The following MFAP4 variants were observed in gnomAD, a reference collection of about 807,000 sequenced individuals.
The protein encoded by MFAP4 is microfibril associated protein 4.
MFAP4 carries 20 observed loss-of-function variants against 32.4 expected under a neutral mutation model. The observed-to-expected ratio is 0.62, with a 90% CI of 0.43 to 0.90. The LOEUF (loss-of-function observed/expected upper bound fraction) is 0.90. MFAP4 is among the 40% of genes least tolerant of loss of function. The pLI is 0.00. For synonymous variants in MFAP4, 146 were observed against 137.4 expected (o/e 1.06, Z -0.44); for missense variants, 267 against 329.5 (o/e 0.81, Z 1.47).
intron 1 of MFAP4, 31 bp downstream of exon 1, chr17:19,387,119 G>T (rs1913071316): frequency 6.2e-7 from 1 of 1,612,436 alleles, no homozygotes; most frequent in Non-Finnish European, 8.5e-7. Flanking sequence ...GTTCCCCCAT[G>T]CTATGAGTCC....
intron 2 of MFAP4, 39 bp from the exon 3 acceptor site, chr17:19,386,503 C>G: frequency 6.3e-7 from 1 of 1,587,636 alleles, no homozygotes. Flanking sequence ...GAGAGTGGGA[C>G]TATGGCATCA....
chr17:19,386,909 G>T, intron 1 of MFAP4, 71 bp from the exon 2 acceptor site: 2 of 1,488,958 alleles, frequency 1.3e-6, no homozygotes, highest in South Asian at 2.5e-5. Flanking sequence ...CTTTGCATTT[G>T]CCCCCACCAT....
rs1567926249 is a variant in MFAP4 at position 19,385,175 on chromosome 17, G to A, written c.444C>T (p.Ser148=). ...NTAYAKYADF[S]ISPNAVSAEE... is the part of the protein sequence containing the mutation. ...CTGCGCTGACCGCGTTCGGGGAGAT[G>A]GAGAAGTCAGCGTACTTGGCATAGG... The change falls in exon 5 of 6, where the codon TCC becomes TCT. Residue 148 remains serine (S), a synonymous_variant. Coordinates refer to ENST00000299610, the MANE Select transcript of MFAP4 (RefSeq NM_002404.3). The A allele has an allele frequency of 1.9e-6, 3 of 1,614,294 alleles. No homozygotes were observed. The highest frequency in any genetic ancestry group is 2.5e-6 in the Non-Finnish European group (3 of 1,180,054).
intron 1 of MFAP4, 110 bp downstream of exon 1, chr17:19,387,040 C>T (rs1420119285): frequency 8.7e-6 from 12 of 1,379,462 alleles, no homozygotes; most frequent in South Asian, 3.5e-5. Flanking sequence ...TCATAGCTTA[C>T]GAGTTTCAAG....
intron 5 of MFAP4, 114 bp downstream of exon 5, chr17:19,384,985 C>T: frequency 7.3e-7 from 1 of 1,366,594 alleles, no homozygotes; most frequent in Non-Finnish European, 1.0e-6. Flanking sequence ...TGTGGCCCTT[C>T]CAGATCCAGA....
In MFAP4 at chr17:19,384,561, A is replaced by C. The variant is rs1236663943; in HGVS notation, c.669T>G (p.Gly223=). The C allele has an allele frequency of 6.2e-7, 1 of 1,614,112 alleles. No homozygotes were observed. Among genetic ancestry groups the C allele is most frequent in the Non-Finnish European group, 8.5e-7 (1 of 1,179,994 alleles). The change falls in exon 6 of 6, where the codon GGT becomes GGG. Residue 223 remains glycine, a synonymous_variant. Transcript: ENST00000299610. ...CATTGGCATAAGAGAGGTGGGAGCC[A>C]CCTAGGTAGAAGCCATTGAGGTTGG... is the stretch of plus-strand genomic sequence containing the variant. ...HFANLNGFYL[G]GSHLSYANGI...
chr17:19,384,666 G>A lies in MFAP4; in HGVS notation c.564C>T (p.Phe188=), dbSNP rs780218367. 8.1e-6 allele frequency: 13 copies of A among 1,614,074 alleles called. No homozygotes were observed. Among genetic ancestry groups the A allele is most frequent in the Admixed American group, 5.0e-5 (3 of 60,012 alleles). ...SYHSGQKFST[F]DRDQDLFVQN... is the part of the protein sequence containing the mutation. ...GCACAAAGAGGTCCTGGTCCCGGTCGAAGGTAGAGAACTTCTGGCCACTGT... is the reference window on the plus strand; with the variant it reads ...GCACAAAGAGGTCCTGGTCCCGGTCAAAGGTAGAGAACTTCTGGCCACTGT... The change falls in exon 6 of 6, where the codon TTC becomes TTT. Residue 188 remains phenylalanine (F), a synonymous_variant. Coordinates refer to ENST00000299610, the MANE Select transcript of MFAP4 (RefSeq NM_002404.3).
At chr17:19,386,985 A>ACCCCCCCCCCCCCCCCCCG in intron 1 of MFAP4, 147 bp from the exon 2 acceptor site, 1 of 317,374 alleles carries the variant, frequency 3.2e-6, no homozygotes. Flanking sequence ...CTGCCCCCCC[A>ACCCCCCCCCCCCCCCCCCG]CCCCGCCCGC....
chr17:19,386,945 A>G lies in MFAP4; in HGVS notation c.7-107T>C, dbSNP rs555746096. ...GCATGCACATACTGCCCTTGCCTGAATCCCTCTCCTGCTATTTGGCCCCTC... is the reference window on the plus strand; with the variant it reads ...GCATGCACATACTGCCCTTGCCTGAGTCCCTCTCCTGCTATTTGGCCCCTC... On this transcript the variant is annotated intron_variant, in intron 1 of 5. Coordinates refer to ENST00000299610, the MANE Select transcript of MFAP4 (RefSeq NM_002404.3). 2.3e-4 allele frequency: 334 copies of G among 1,422,792 alleles called. 3 individuals carry two copies. The East Asian group carries it at 8.2e-3, about 35-fold the overall frequency. 88.1% of individuals were successfully genotyped at this position (1,422,792 alleles called of 1,614,324 possible).
At chr17:19,385,842 G>A (rs1395991366) in intron 3 of MFAP4, among the ~76,000 whole-genome samples, 2 of 152,200 alleles carry the variant, frequency 1.3e-5, no homozygotes, top group Non-Finnish European at 2.9e-5. Flanking sequence ...ACCTCAGCTG[G>A]GCGCGGTGGC....
At chr17:19,386,676 G>C in intron 2 of MFAP4, 84 bp downstream of exon 2, 2 of 1,457,502 alleles carry the variant, frequency 1.4e-6, no homozygotes, top group Non-Finnish European at 1.9e-6. Context: ...CTGGGGCTCG[G>C]CCCTGACAGT....
intron 3 of MFAP4, among the ~76,000 whole-genome samples, chr17:19,385,962 T>TA (rs1279604830): frequency 6.6e-6 from 1 of 151,976 alleles, no homozygotes; most frequent in Non-Finnish European, 1.5e-5. Context: ...CTACTAAAAA[T>TA]AAAAAAATTA....
chr17:19,386,972 T>TGCCGGGGCCCCCCCCCCC, intron 1 of MFAP4, 134 bp from the exon 2 acceptor site: 32 of 936,976 alleles, frequency 3.4e-5, no homozygotes, highest in Non-Finnish European at 4.9e-5. Flanking sequence ...TGGCCCCTCT[T>TGCCGGGGCCCCCCCCCCC]CCCTGCCCCC....
chr17:19,385,517 C>A, intron 3 of MFAP4, 63 bp from the exon 4 acceptor site: 2 of 1,439,356 alleles, frequency 1.4e-6, no homozygotes, highest in South Asian at 1.1e-5. Flanking sequence ...TGGTCCTGCC[C>A]TGCCCACCTC....
intron 1 of MFAP4, 73 bp from the exon 2 acceptor site, chr17:19,386,911 C>T: frequency 3.4e-6 from 5 of 1,486,368 alleles, no homozygotes; most frequent in Non-Finnish European, 4.6e-6. Flanking sequence ...TTGCATTTGC[C>T]CCCACCATGC....
At chr17:19,384,866 T>A (rs1255209507) in intron 5 of MFAP4, among the ~76,000 whole-genome samples, 157 bp from the exon 6 acceptor site, 1 of 152,224 alleles carries the variant, frequency 6.6e-6, no homozygotes, top group Non-Finnish European at 1.5e-5. Context: ...GATGTGCTTC[T>A]GCAATGAAGA....
chr17:19,384,721 G>C lies in MFAP4; in HGVS notation c.521-12C>G. The C allele has an allele frequency of 1.2e-6, 2 of 1,613,814 alleles. No individual in the cohort carries two copies. Among genetic ancestry groups the C allele is most frequent in the Non-Finnish European group, 1.7e-6 (2 of 1,179,890 alleles). ...GGACAGGGAGTCACCTGGCAGAGGA[G>C]AGAAGGGTTGGGGCTGCTGAGGCAG... On this transcript the variant is annotated splice_polypyrimidine_tract_variant and intron_variant, in intron 5 of 5. Transcript: ENST00000299610.
chr17:19,386,766 C>T lies in MFAP4; in HGVS notation c.79G>A (p.Gly27Arg), dbSNP rs866989608. The change falls in exon 2 of 6, where the codon GGA (glycine) becomes AGA (arginine). Residue 27 changes from glycine (G) to arginine (R), a missense_variant. Gly to Arg is a moderately radical substitution (Grantham distance 125). Coordinates refer to ENST00000299610, the MANE Select transcript of MFAP4 (RefSeq NM_002404.3). ...TGAGTGTGGGGCTGCTTACCATCTC[C>T]TCGGATCCCGGAGACCTGGGGGGCA... ...PCAPQVSGIR[G>R]DALERFCLQQ... 6.4e-7 allele frequency: 1 copy of T among 1,572,068 alleles called. No individual in the cohort carries two copies. Among genetic ancestry groups the T allele is most frequent in the African/African-American group, 1.3e-5 (1 of 74,128 alleles).
rs1339912535 is a variant in MFAP4 at position 19,383,855 on chromosome 17, CAG to C, written c.*605_*606del. 2 of 156,156 alleles carry C rather than the reference CAG, an allele frequency of 1.3e-5. No individual in the cohort carries two copies. Among genetic ancestry groups the C allele is most frequent in the Non-Finnish European group, 2.8e-5 (2 of 70,696 alleles). The allele number at this position is 156,156 out of a possible 1,614,324, so 9.7% of individuals were successfully genotyped here. ...TAGCTGTGTTCTTGGCATAGAGCTT[CAG>C]GGGCTGGGATGGGCCATCAGGGGAA... On this transcript the variant is annotated 3_prime_UTR_variant, in exon 6 of 6. Transcript: ENST00000299610.
Sources: allele counts gnomAD v4.1 joint callset (sites outside exome capture counted in the v4.1 genomes callset), GRCh38; gene constraint gnomAD v4.1.1; transcripts MANE v1.5; gene names NCBI Gene and HGNC (gene_info 2026-07-23, HGNC 2026-07-21).